SLCO6A1: variants seen among roughly 807,000 people sequenced by gnomAD.
The protein encoded by SLCO6A1 is cancer/testis antigen 48.
Under a neutral mutation model 72.7 loss-of-function variants are expected in SLCO6A1, and 65 were observed. The ratio of observed to expected loss-of-function variants is 0.89; its 90% CI spans 0.73 to 1.10. The LOEUF is 1.10. SLCO6A1 is among the 50% of genes least tolerant of loss of function. The pLI, the probability that SLCO6A1 is intolerant of heterozygous loss-of-function variation, is 0.00. For synonymous variants in SLCO6A1, 314 were observed against 298.2 expected (o/e 1.05, Z -0.55); for missense variants, 874 against 872.6 (o/e 1.00, Z -0.02).
At chr5:102,409,430 AG>A in intron 9 of SLCO6A1, among the ~76,000 whole-genome samples, 1 of 152,096 alleles carries the variant, frequency 6.6e-6, no homozygotes, top group Non-Finnish European at 1.5e-5. Flanking sequence ...AATAGCATAT[AG>A]GTACTTGATC....
At chr5:102,397,513 G>A (rs1747154115) in intron 10 of SLCO6A1, among the ~76,000 whole-genome samples, 1 of 152,074 alleles carries the variant, frequency 6.6e-6, no homozygotes, top group Admixed American at 6.5e-5. Flanking sequence ...GCATTCATTT[G>A]CAAAAGGTGT....
In SLCO6A1 at chr5:102,498,575, A is replaced by G; in HGVS notation, c.270T>C (p.Gly90=). Residue 90 remains glycine, a synonymous_variant, in exon 1 of 14, where the codon GGT becomes GGC. Transcript: ENST00000506729. ...EVDDSLEQPC[G]LGCLVSTCCE... is the part of the protein sequence containing the mutation. ...AGCAGGTGCTGACTAAGCAGCCCAA[A>G]CCACAGGGCTGCTCCAAACTGTCAT... is the stretch of plus-strand genomic sequence containing the variant. The G allele has an allele frequency of 6.2e-7, 1 of 1,614,218 alleles. No individual in the cohort carries two copies. The highest frequency in any genetic ancestry group is 1.1e-5 in the South Asian group (1 of 91,088).
intron 12 of SLCO6A1, among the ~76,000 whole-genome samples, chr5:102,374,334 C>T (rs2112462909): frequency 6.6e-6 from 1 of 152,220 alleles, no homozygotes; most frequent in East Asian, 1.9e-4. Flanking sequence ...TGAAACAGGA[C>T]CTCCCTTTAT....
chr5:102,497,525 G>A lies in SLCO6A1; in HGVS notation c.358+962C>T, dbSNP rs574486459. Among the ~76,000 whole-genome samples the A allele has an allele frequency of 2.0e-4, 30 of 152,344 alleles. No individual in the cohort carries two copies. In the South Asian group the frequency reaches 6.0e-3, roughly 31 times the overall value. ...TCACCCACAATGTGTAGGATGGACT[G>A]TGCCAGTCAGGTTCTGGAGGAGGTG... On this transcript the variant is annotated intron_variant, in intron 1 of 13. Coordinates refer to ENST00000506729, the MANE Select transcript of SLCO6A1 (RefSeq NM_173488.5).
chr5:102,396,843 G>C (rs547044727), intron 10 of SLCO6A1, among the ~76,000 whole-genome samples: 1 of 152,248 alleles, frequency 6.6e-6, no homozygotes, highest in East Asian at 1.9e-4. Flanking sequence ...AGGGTCCTGA[G>C]GCAGTACAGG....
At chr5:102,462,952 C>G (rs1208606579) in intron 4 of SLCO6A1, among the ~76,000 whole-genome samples, 1 of 152,100 alleles carries the variant, frequency 6.6e-6, no homozygotes, top group Non-Finnish European at 1.5e-5. Flanking sequence ...AGCTTCTGCA[C>G]AGCAAAAGAA....
chr5:102,404,839 C>T (rs568931405), intron 9 of SLCO6A1, among the ~76,000 whole-genome samples: 34 of 152,036 alleles, frequency 2.2e-4, no homozygotes, highest in African/African-American at 6.5e-4. Flanking sequence ...CAACTGGCAT[C>T]GCAGAAATTA....
At chr5:102,494,100 G>T (rs1015366055) in intron 1 of SLCO6A1, among the ~76,000 whole-genome samples, 1 of 152,070 alleles carries the variant, frequency 6.6e-6, no homozygotes, top group Admixed American at 6.5e-5. Flanking sequence ...TAGGAAAATA[G>T]AACTGAATAG....
chr5:102,458,440 C>G lies in SLCO6A1; in HGVS notation c.1073G>C (p.Ser358Thr), dbSNP rs1750854072. ...TCCAAGTTTCAGATCTTTAAGTCTGCTGTCAAAAAAATGAAGCTGTTTACG... is the reference window on the plus strand; with the variant it reads ...TCCAAGTTTCAGATCTTTAAGTCTGGTGTCAAAAAAATGAAGCTGTTTACG... ...RKRKQLHFFD[S>T]RLKDLKLGTN... Residue 358 changes from serine (S) to threonine (T), a missense_variant, in exon 6 of 14, where the codon AGC becomes ACC. Transcript: ENST00000506729. The G allele has an allele frequency of 6.2e-7, 1 of 1,612,880 alleles. No homozygotes were observed. Among genetic ancestry groups the G allele is most frequent in the Non-Finnish European group, 8.5e-7 (1 of 1,179,404 alleles).
At position 102,389,457 on chromosome 5, in the gene SLCO6A1, C is replaced by CCG. The variant is rs34181415; in HGVS notation, c.1880-633_1880-632insCG. ...AGTCACACACCCCGCCCCCCACCCC[C>CCG]ACACACACAGAGTTGCCCCCAAACA... On this transcript the variant is annotated intron_variant, in intron 11 of 13. Coordinates refer to ENST00000506729, the MANE Select transcript of SLCO6A1 (RefSeq NM_173488.5). Among the ~76,000 whole-genome samples, 27 of 83,454 alleles carry CCG rather than the reference C, an allele frequency of 3.2e-4. 1 individual carries two copies. The highest frequency in any genetic ancestry group is 1.0e-3 in the African/African-American group (22 of 21,386). The allele number at this position is 83,454 out of a possible 152,430, so 54.7% of individuals were successfully genotyped here. A position where few individuals can be genotyped will look rare whatever the true frequency, so the allele number is the denominator to read the frequency against.
rs532008815 is a variant in SLCO6A1 at position 102,472,530 on chromosome 5, A to C, written c.899+3167T>G. Among the ~76,000 whole-genome samples, 26 of 152,198 alleles carry C rather than the reference A, an allele frequency of 1.7e-4. No homozygotes were observed. The South Asian group carries it at 5.4e-3, about 32-fold the overall frequency. ...AACAAGAGAACAAGAAAAGTTGAGGAGGAGGTAATTGATGGTACTAGTTCC... is the reference window on the plus strand; with the variant it reads ...AACAAGAGAACAAGAAAAGTTGAGGCGGAGGTAATTGATGGTACTAGTTCC... On this transcript the variant is annotated intron_variant, in intron 4 of 13. Coordinates refer to ENST00000506729, the MANE Select transcript of SLCO6A1 (RefSeq NM_173488.5).
chr5:102,498,761 C>T lies in SLCO6A1; in HGVS notation c.84G>A (p.Gln28=), dbSNP rs1753031176. The part of the protein sequence containing the change: ...GVEPLEAARA[Q]PAKDRRAKGT... ...CCTTGGCCCTCCTGTCCTTAGCAGG[C>T]TGGGCCCGCGCGGCCTCCAGCGGCT... is the stretch of plus-strand genomic sequence containing the variant. Residue 28 remains glutamine, a synonymous_variant, in exon 1 of 14, where the codon CAG becomes CAA. Transcript: ENST00000506729. 6.2e-7 allele frequency: 1 copy of T among 1,614,038 alleles called. No individual in the cohort carries two copies. Among genetic ancestry groups the T allele is most frequent in the Non-Finnish European group, 8.5e-7 (1 of 1,180,034 alleles).
intron 7 of SLCO6A1, among the ~76,000 whole-genome samples, chr5:102,425,762 A>G (rs962937077): frequency 1.3e-5 from 2 of 152,188 alleles, no homozygotes; most frequent in Non-Finnish European, 2.9e-5. Flanking sequence ...AGAATTAGAG[A>G]AAACTACTTT....
chr5:102,467,630 T>C (rs1380711025), intron 4 of SLCO6A1, among the ~76,000 whole-genome samples: 1 of 152,060 alleles, frequency 6.6e-6, no homozygotes, highest in East Asian at 1.9e-4. Flanking sequence ...AGCCAAACCG[T>C]ATCAGTGGCA....
chr5:102,473,085 C>T (rs1286447485), intron 4 of SLCO6A1, among the ~76,000 whole-genome samples: 1 of 151,912 alleles, frequency 6.6e-6, no homozygotes, highest in African/African-American at 2.4e-5. Flanking sequence ...TCTCAAAATC[C>T]TCCAAGTAAC....
intron 7 of SLCO6A1, among the ~76,000 whole-genome samples, chr5:102,422,375 G>C (rs750099158): frequency 2.8e-4 from 43 of 152,186 alleles, no homozygotes; most frequent in Admixed American, 6.5e-4. Flanking sequence ...TAAAAACCTT[G>C]ATAAATGGTT....
rs115970638 is a variant in SLCO6A1 at position 102,428,954 on chromosome 5, G to A, written c.1277-8933C>T. Among the ~76,000 whole-genome samples, 1,232 of 152,180 alleles carry A rather than the reference G, an allele frequency of 8.1e-3. 12 individuals are homozygous for A. The highest frequency in any genetic ancestry group is 0.015 in the Non-Finnish European group (1,006 of 68,000). On this transcript the variant is annotated intron_variant, in intron 7 of 13. Transcript: ENST00000506729. ...TTCTCTTTTCTCTGCAACCTCGCCA[G>A]CACTTGTTATTTTTTGACTTTTTAG...
At chr5:102,486,133 T>C (rs1304424021) in intron 1 of SLCO6A1, among the ~76,000 whole-genome samples, 2 of 152,218 alleles carry the variant, frequency 1.3e-5, no homozygotes, top group Non-Finnish European at 2.9e-5. Flanking sequence ...TGTAAAGCTA[T>C]AGGTCTACTT....
Position 102,399,699 on chromosome 5 carries a change from G to A in SLCO6A1, c.1670C>T (p.Ala557Val), listed in dbSNP as rs1056863962. The stretch of plus-strand genomic sequence containing the variant: ...ATCAATAAAATCACCTTCTGCATCT[G>A]CAGTTATTAATCCTTCTTTAATGCA... ...CSCIKEGLIT[A>V]DAEGDFIDAR... Residue 557 changes from alanine (A) to valine (V), a missense_variant, in exon 10 of 14, where the codon GCA becomes GTA. By Grantham distance (64) the Ala-to-Val change is moderately conservative. Transcript: ENST00000506729. The A allele has an allele frequency of 1.3e-6, 2 of 1,594,312 alleles. No individual in the cohort carries two copies. Among genetic ancestry groups the A allele is most frequent in the Non-Finnish European group, 1.7e-6 (2 of 1,167,564 alleles).
Sources: allele counts gnomAD v4.1 joint callset (sites outside exome capture counted in the v4.1 genomes callset), GRCh38; gene constraint gnomAD v4.1.1; transcripts MANE v1.5; gene names NCBI Gene and HGNC (gene_info 2026-07-23, HGNC 2026-07-21).